The following THSD4 variants were observed in gnomAD, a reference collection of about 807,000 sequenced individuals.
THSD4 encodes thrombospondin type-1 domain-containing protein 4.
In THSD4, 69 loss-of-function variants were observed where a neutral mutation model predicts 119.0. The observed-to-expected ratio is 0.58, with a 90% CI of 0.48 to 0.71. The LOEUF is 0.71. Among genes scored for constraint, THSD4 ranks in the 30% least tolerant of loss-of-function variants. THSD4 has a pLI of 0.00. For synonymous variants in THSD4, 524 were observed against 540.4 expected (o/e 0.97, Z 0.42); for missense variants, 1,393 against 1,391.1 (o/e 1.00, Z -0.02).
In THSD4 at chr15:71,746,837, G is replaced by A; in HGVS notation, c.2037-1G>A. The A allele has an allele frequency of 1.2e-6, 2 of 1,613,598 alleles. No homozygotes were observed. The highest frequency in any genetic ancestry group is 8.5e-7 in the Non-Finnish European group (1 of 1,179,934). On this transcript the variant is annotated splice_acceptor_variant, in intron 12 of 17. Transcript: ENST00000261862. LOFTEE classifies it high-confidence loss of function. ...CTCTCGCTCTCTCATTCCTGAACCA[G>A]CTGGGACATCGGGGAGTGGTCTGAG... is the stretch of plus-strand genomic sequence containing the variant.
chr15:71,429,422 G>A (rs921792236), intron 7 of THSD4, among the ~76,000 whole-genome samples: 1 of 152,202 alleles, frequency 6.6e-6, no homozygotes, highest in Admixed American at 6.5e-5. Context: ...GAAGACAGTG[G>A]TTTGTGACAA....
chr15:71,298,513 C>A (rs2044896854), intron 6 of THSD4, among the ~76,000 whole-genome samples: 1 of 142,672 alleles, frequency 7.0e-6, no homozygotes, highest in Admixed American at 7.4e-5. Flanking sequence ...TATTCTTTTT[C>A]CACCAGATGA....
intron 6 of THSD4, among the ~76,000 whole-genome samples, chr15:71,316,964 G>A (rs576666833): frequency 6.6e-6 from 1 of 152,300 alleles, no homozygotes; most frequent in African/African-American, 2.4e-5. Flanking sequence ...GCCTTTCAAG[G>A]TTGCTTAGAA....
intron 7 of THSD4, among the ~76,000 whole-genome samples, chr15:71,484,960 C>T (rs2047792689): frequency 6.6e-6 from 1 of 152,212 alleles, no homozygotes; most frequent in Admixed American, 6.5e-5. Flanking sequence ...TCTTCTACCC[C>T]TGACTATTGC....
chr15:71,673,239 T>G (rs562165015), intron 8 of THSD4, among the ~76,000 whole-genome samples: 23 of 152,320 alleles, frequency 1.5e-4, no homozygotes, highest in African/African-American at 5.1e-4. Context: ...GTCCAGGAAT[T>G]TATCCATTTC....
chr15:71,746,769 G>A (rs1265610070), intron 12 of THSD4, 69 bp from the exon 13 acceptor site: 1 of 1,498,854 alleles, frequency 6.7e-7, no homozygotes, highest in Admixed American at 1.7e-5. Context: ...GTACGCTGCT[G>A]CGGGCTCACG....
At chr15:71,554,123 T>C (rs540054203) in intron 7 of THSD4, among the ~76,000 whole-genome samples, 1 of 147,132 alleles carries the variant, frequency 6.8e-6, no homozygotes, top group Non-Finnish European at 1.5e-5. Flanking sequence ...GGAGTCTCGC[T>C]CTGTCGCCCA....
intron 3 of THSD4, chr15:71,186,926 C>T (rs185889879): frequency 1.1e-4 from 17 of 152,290 alleles, no homozygotes; most frequent in South Asian, 4.1e-4. Flanking sequence ...GGCAGATATT[C>T]GTTGTACTAG....
chr15:71,437,524 A>C (rs564357303), intron 7 of THSD4, among the ~76,000 whole-genome samples: 1 of 152,332 alleles, frequency 6.6e-6, no homozygotes, highest in East Asian at 1.9e-4. Context: ...GGAACTCCAG[A>C]GAACAGCTTT....
rs144069055 is a variant in THSD4 at position 71,627,843 on chromosome 15, A to C, written c.1153-32687A>C. Among the ~76,000 whole-genome samples, 197 of 152,330 alleles carry C rather than the reference A, an allele frequency of 1.3e-3. 1 individual carries two copies. The highest frequency in any genetic ancestry group is 2.3e-3 in the Non-Finnish European group (156 of 68,026). On this transcript the variant is annotated intron_variant, in intron 7 of 17. Transcript: ENST00000261862. Reference sequence around the variant, plus strand: ...TTCAAGCAGAGCATCTCCTGGGTCAAGGCAGAAATTTGGTTTTCACAATGA... The same window carrying C: ...TTCAAGCAGAGCATCTCCTGGGTCACGGCAGAAATTTGGTTTTCACAATGA...
intron 7 of THSD4, among the ~76,000 whole-genome samples, chr15:71,442,658 G>GTGTATATA (rs2047121031): frequency 3.2e-5 from 1 of 31,348 alleles, no homozygotes; most frequent in Non-Finnish European, 6.9e-5. Context: ...GTGTGTGTGT[G>GTGTATATA]TGTATATATA....
chr15:71,582,623 A>G (rs1219545979), intron 7 of THSD4, among the ~76,000 whole-genome samples: 1 of 152,148 alleles, frequency 6.6e-6, no homozygotes, highest in Non-Finnish European at 1.5e-5. Context: ...TGGGCTTGCC[A>G]TATATAGCCA....
chr15:71,346,167 G>A (rs144758815), intron 6 of THSD4, among the ~76,000 whole-genome samples: 16 of 152,254 alleles, frequency 1.1e-4, no homozygotes, highest in African/African-American at 3.9e-4. Flanking sequence ...TTCTCTTGTT[G>A]ACTTTCGTGA....
intron 1 of THSD4, among the ~76,000 whole-genome samples, chr15:71,135,363 TAA>T (rs144312611): frequency 2.0e-5 from 1 of 48,930 alleles, no homozygotes; most frequent in Non-Finnish European, 4.8e-5. Flanking sequence ...TAAAGTATAA[TAA>T]AAAAAAAAAA....
Position 71,215,270 on chromosome 15 carries a change from T to C in THSD4, c.335T>C (p.Val112Ala), listed in dbSNP as rs1400004192. 4 of 1,510,596 alleles carry C rather than the reference T, an allele frequency of 2.6e-6. No individual in the cohort carries two copies. The highest frequency in any genetic ancestry group is 2.8e-5 in the African/African-American group (2 of 70,262). The allele number at this position is 1,510,596 out of a possible 1,614,324, so 93.6% of individuals were successfully genotyped here. ...DHVVSAVRTS[V>A]PLHRSRDETP... ...GTGGTGTCGGCGGTGCGCACGTCGGTGCCACTGCACCGGAGCCGCGACGAG... is the reference window on the plus strand; with the variant it reads ...GTGGTGTCGGCGGTGCGCACGTCGGCGCCACTGCACCGGAGCCGCGACGAG... The change falls in exon 4 of 18, where the codon GTG becomes GCG. Residue 112 changes from valine (V) to alanine (A), a missense_variant. Physicochemically the swap from Val to Ala is moderately conservative, Grantham distance 64. Transcript: ENST00000261862.
intron 3 of THSD4, among the ~76,000 whole-genome samples, chr15:71,199,363 G>C (rs2043747419): frequency 6.6e-6 from 1 of 152,076 alleles, no homozygotes; most frequent in South Asian, 2.1e-4. Flanking sequence ...AGGCTGAGAG[G>C]TGTTCAGGAC....
intron 7 of THSD4, among the ~76,000 whole-genome samples, chr15:71,445,774 G>A (rs562485044): frequency 1.3e-5 from 2 of 152,180 alleles, no homozygotes; most frequent in African/African-American, 2.4e-5. Context: ...TATCTTCATG[G>A]CTAATGGCTC....
chr15:71,245,636 G>A (rs1349794472), intron 5 of THSD4, among the ~76,000 whole-genome samples: 1 of 152,194 alleles, frequency 6.6e-6, no homozygotes, highest in Non-Finnish European at 1.5e-5. Context: ...GCAATGACTT[G>A]TTATAACATG....
intron 4 of THSD4, 24 bp downstream of exon 4, chr15:71,215,423 C>T (rs779224680): frequency 6.7e-7 from 1 of 1,499,254 alleles, no homozygotes; most frequent in Non-Finnish European, 8.9e-7. Flanking sequence ...CTTGTCTGTG[C>T]CGCTCCCCGT....
Sources: gnomAD v4.1 joint callset for allele counts (sites outside exome capture counted in the v4.1 genomes callset) on GRCh38, gnomAD v4.1.1 for gene constraint, MANE v1.5 for transcripts, NCBI Gene and HGNC (gene_info 2026-07-23, HGNC 2026-07-21) for gene names.